The following NBAS variants were observed in gnomAD, a reference collection of about 807,000 sequenced individuals.
NBAS encodes the protein NBAS subunit of NRZ tethering complex.
NBAS carries 219 observed loss-of-function variants against 302.5 expected under a neutral mutation model. The observed-to-expected ratio is 0.72, with a 90% CI of 0.65 to 0.81. The LOEUF is 0.81. Among genes scored for constraint, NBAS ranks in the 30% least tolerant of loss-of-function variants. The probability of loss-of-function intolerance (pLI) is 0.00; values close to 1 mark genes in which losing one functional copy is unlikely to be tolerated. For missense variants in NBAS, 2,932 were observed against 2,841.6 expected (o/e 1.03, Z -0.72); for synonymous variants, 1,118 against 1,021.6 (o/e 1.09, Z -1.80).
At chr2:15,418,193 C>T (rs933417554) in intron 23 of NBAS, among the ~76,000 whole-genome samples, 2 of 152,166 alleles carry the variant, frequency 1.3e-5, no homozygotes, top group Non-Finnish European at 2.9e-5. Flanking sequence ...ATATAAAAGT[C>T]ATTCAATAAA....
the NBAS span, among the ~76,000 whole-genome samples, chr2:15,069,479 C>T: frequency 6.6e-6 from 1 of 152,054 alleles, no homozygotes. Context: ...TGAACGATCT[C>T]TATCCTTCAG....
intron 6 of NBAS, 128 bp downstream of exon 6, chr2:15,551,365 A>G (rs1455768954): frequency 9.9e-6 from 6 of 605,892 alleles, no homozygotes; most frequent in Non-Finnish European, 1.4e-5. Context: ...GCAGTTTTTA[A>G]AAATTATTTT....
chr2:15,209,822 C>G (rs1202010511), intron 48 of NBAS, among the ~76,000 whole-genome samples: 1 of 152,106 alleles, frequency 6.6e-6, no homozygotes, highest in Non-Finnish European at 1.5e-5. Flanking sequence ...TAAATCCAAG[C>G]ATCTACAGTA....
intron 45 of NBAS, among the ~76,000 whole-genome samples, chr2:15,236,080 C>T (rs993700092): frequency 6.6e-6 from 1 of 152,016 alleles, no homozygotes; most frequent in Non-Finnish European, 1.5e-5. Context: ...ATATAAGGTG[C>T]CTTAATAAAA....
intron 14 of NBAS, 111 bp from the exon 15 acceptor site, chr2:15,474,435 C>T: frequency 8.8e-7 from 1 of 1,141,126 alleles, no homozygotes. Context: ...TTCATTAAAT[C>T]AGCTATGTGA....
At chr2:15,217,605 A>T (rs1275150408) in intron 48 of NBAS, among the ~76,000 whole-genome samples, 1 of 152,240 alleles carries the variant, frequency 6.6e-6, no homozygotes, top group Non-Finnish European at 1.5e-5. Context: ...CTAATTTGTA[A>T]CACTTATTGA....
chr2:15,381,110 T>A (rs1183893921), intron 29 of NBAS, among the ~76,000 whole-genome samples: 1 of 152,174 alleles, frequency 6.6e-6, no homozygotes, highest in Non-Finnish European at 1.5e-5. Context: ...TTCTCCATAT[T>A]TCTCTGGTCT....
At chr2:14,884,520 G>A in the NBAS span, among the ~76,000 whole-genome samples, 4 of 152,170 alleles carry the variant, frequency 2.6e-5, no homozygotes, top group Non-Finnish European at 4.4e-5. Context: ...ACTCTGTTCT[G>A]TGTCACTGTG....
chr2:15,035,120 T>G, the NBAS span, among the ~76,000 whole-genome samples: 4 of 151,862 alleles, frequency 2.6e-5, no homozygotes, highest in East Asian at 1.9e-4. Context: ...TGTGGGGTTT[T>G]TTTTTTTTTT....
chr2:15,412,374 C>A (rs975137919), intron 25 of NBAS, among the ~76,000 whole-genome samples: 3 of 152,190 alleles, frequency 2.0e-5, no homozygotes, highest in Admixed American at 2.0e-4. Context: ...ACTGTTCTTT[C>A]TTCCTGAGTC....
chr2:15,249,863 C>T lies in NBAS; in HGVS notation c.5725-11177G>A, dbSNP rs553802391. 1.4e-4 allele frequency among the ~76,000 whole-genome samples: 21 copies of T among 152,088 alleles called. No individual in the cohort carries two copies. The South Asian group carries it at 3.3e-3, about 24-fold the overall frequency. ...GCTCATGGATAGGAAGAATCAATAT[C>T]GTGAAAATGGCCATACTGATGCCCA... On this transcript the variant is annotated intron_variant, in intron 44 of 51. Coordinates refer to ENST00000281513, the MANE Select transcript of NBAS (RefSeq NM_015909.4).
downstream of NBAS, among the ~76,000 whole-genome samples, chr2:15,166,126 T>C (rs1010668663): frequency 6.6e-6 from 1 of 152,198 alleles, no homozygotes. Context: ...GCCAGCAAGC[T>C]ATGCCCTGGG....
At chr2:14,930,942 C>T in the NBAS span, among the ~76,000 whole-genome samples, 1 of 152,198 alleles carries the variant, frequency 6.6e-6, no homozygotes, top group African/African-American at 2.4e-5. Flanking sequence ...TGAATATCTA[C>T]CCTTCTCCAA....
chr2:15,065,118 T>G, the NBAS span, among the ~76,000 whole-genome samples: 1 of 152,132 alleles, frequency 6.6e-6, no homozygotes, highest in African/African-American at 2.4e-5. Context: ...ATGTAAGATA[T>G]GTTAATTAGT....
the NBAS span, among the ~76,000 whole-genome samples, chr2:14,977,332 C>CA: frequency 6.6e-6 from 1 of 151,512 alleles, no homozygotes; most frequent in Admixed American, 6.6e-5. Flanking sequence ...AATCTTAGCA[C>CA]AAAAAAAGTA....
chr2:15,191,780 T>C (rs934573832), intron 48 of NBAS, among the ~76,000 whole-genome samples: 2 of 152,202 alleles, frequency 1.3e-5, no homozygotes, highest in African/African-American at 4.8e-5. Context: ...CAATGTTGCC[T>C]TGCCTATTTA....
the NBAS span, among the ~76,000 whole-genome samples, chr2:14,836,073 A>G: frequency 6.6e-6 from 1 of 151,894 alleles, no homozygotes; most frequent in African/African-American, 2.4e-5. Flanking sequence ...CTGTGTGGTA[A>G]TCATTTAGAT....
the NBAS span, among the ~76,000 whole-genome samples, chr2:14,930,443 T>C: frequency 8.6e-4 from 131 of 152,308 alleles, 2 homozygotes; most frequent in Admixed American, 7.5e-3. Flanking sequence ...AATCATACTG[T>C]GCGTGTACCT....
chr2:14,983,905 A>G, the NBAS span, among the ~76,000 whole-genome samples: 1 of 152,206 alleles, frequency 6.6e-6, no homozygotes. Context: ...GCAACACAGG[A>G]GTCATGGACA....
Sources: gnomAD v4.1 joint callset for allele counts (sites outside exome capture counted in the v4.1 genomes callset) on GRCh38, gnomAD v4.1.1 for gene constraint, MANE v1.5 for transcripts, NCBI Gene and HGNC (gene_info 2026-07-23, HGNC 2026-07-21) for gene names.